Variants in EML1 observed in about 807,000 individuals in gnomAD.
The protein encoded by EML1 is echinoderm microtubule-associated protein-like 1.
EML1 carries 27 observed loss-of-function variants against 110.4 expected under a neutral mutation model. That is an observed-to-expected ratio of 0.24 (90% confidence interval 0.18 to 0.34). The LOEUF is 0.34. EML1 is among the 10% of genes least tolerant of loss of function. The pLI is 1.00. For missense variants in EML1, 741 were observed against 1,030.9 expected (o/e 0.72, Z 3.85); for synonymous variants, 344 against 385.8 (o/e 0.89, Z 1.27).
At chr14:99,841,383 TGCCGTCA>T (rs1428486607) in intron 1 of EML1, among the ~76,000 whole-genome samples, 1 of 152,236 alleles carries the variant, frequency 6.6e-6, no homozygotes, top group African/African-American at 2.4e-5. Context: ...AGTGTCTGTA[TGCCGTCA>T]TAGTATTAGA....
chr14:99,922,905 T>A (rs1263455576), intron 17 of EML1, among the ~76,000 whole-genome samples: 1 of 152,190 alleles, frequency 6.6e-6, no homozygotes, highest in Non-Finnish European at 1.5e-5. Context: ...AGATAGATGA[T>A]TTGCAAATAT....
chr14:99,786,643 G>A (rs560259343), intron 1 of EML1, among the ~76,000 whole-genome samples: 2 of 152,358 alleles, frequency 1.3e-5, no homozygotes, highest in African/African-American at 4.8e-5. Flanking sequence ...AAGCCTTCAA[G>A]TGCACGGCAC....
chr14:99,846,351 C>T (rs574520741), intron 1 of EML1, among the ~76,000 whole-genome samples: 71 of 142,948 alleles, frequency 5.0e-4, no homozygotes, highest in African/African-American at 1.4e-3. Flanking sequence ...GGCGCAATCT[C>T]GGCTTACTGC....
chr14:99,793,856 CG>C (rs2057718710), intron 1 of EML1, among the ~76,000 whole-genome samples: 2 of 150,884 alleles, frequency 1.3e-5, no homozygotes, highest in African/African-American at 4.8e-5. Flanking sequence ...CACAGGGCGG[CG>C]GGGAGGCCCG....
At chr14:99,921,389 T>C (rs549363794) in intron 17 of EML1, among the ~76,000 whole-genome samples, 1 of 152,300 alleles carries the variant, frequency 6.6e-6, no homozygotes, top group Non-Finnish European at 1.5e-5. Flanking sequence ...CCCAACAGAA[T>C]TGAGATTCTG....
chr14:99,836,206 T>TTTATTA (rs3994961), intron 1 of EML1, among the ~76,000 whole-genome samples: 102,740 of 151,620 alleles, frequency 0.68, 34,902 homozygotes, highest in Non-Finnish European at 0.69. Flanking sequence ...TTTAATTTCT[T>TTTATTA]TTATTATGTT....
At chr14:99,756,905 A>G (rs1349887165) in intron 1 of EML1, among the ~76,000 whole-genome samples, 2 of 151,972 alleles carry the variant, frequency 1.3e-5, no homozygotes, top group Non-Finnish European at 2.9e-5. Flanking sequence ...GCGCGTATAC[A>G]CTCATCTGCA....
chr14:99,865,437 C>A, intron 2 of EML1, 77 bp from the exon 3 acceptor site: 1 of 1,559,038 alleles, frequency 6.4e-7, no homozygotes, highest in South Asian at 1.2e-5. Flanking sequence ...TCCTAACAGG[C>A]AGTTGAGGAC....
chr14:99,921,913 AC>A (rs1301486117), intron 17 of EML1, among the ~76,000 whole-genome samples: 1 of 151,704 alleles, frequency 6.6e-6, no homozygotes, highest in Non-Finnish European at 1.5e-5. Context: ...TTCCACCCTC[AC>A]CCCCAGTCCG....
upstream of EML1, among the ~76,000 whole-genome samples, chr14:99,770,183 G>T (rs1352085158): frequency 1.3e-5 from 2 of 152,094 alleles, no homozygotes; most frequent in Non-Finnish European, 2.9e-5. Context: ...TCATAGACTT[G>T]GTGGATAAAA....
intron 1 of EML1, among the ~76,000 whole-genome samples, chr14:99,794,880 A>G (rs2057741642): frequency 6.6e-6 from 1 of 152,232 alleles, no homozygotes; most frequent in Non-Finnish European, 1.5e-5. Flanking sequence ...GTATAGAGTC[A>G]TGGGAACGGT....
At chr14:99,753,844 G>C (rs374404922) in intron 1 of EML1, among the ~76,000 whole-genome samples, 1 of 152,198 alleles carries the variant, frequency 6.6e-6, no homozygotes, top group Non-Finnish European at 1.5e-5. Flanking sequence ...CCCCACAACC[G>C]CATCAGCTAG....
chr14:99,916,189 C>T (rs775130638), intron 15 of EML1, among the ~76,000 whole-genome samples: 1 of 152,232 alleles, frequency 6.6e-6, no homozygotes, highest in Non-Finnish European at 1.5e-5. Flanking sequence ...GAAGTTCTAG[C>T]TCCTCTGCCT....
chr14:99,831,263 T>C (rs1285615133), intron 1 of EML1, among the ~76,000 whole-genome samples: 1 of 152,176 alleles, frequency 6.6e-6, no homozygotes, highest in East Asian at 1.9e-4. Flanking sequence ...TTTTCTTGGG[T>C]AGATCTGAAT....
chr14:99,940,104 G>A lies in EML1; in HGVS notation c.2440G>A (p.Val814Ile), dbSNP rs201298677. 217 of 1,575,564 alleles carry A rather than the reference G, an allele frequency of 1.4e-4. No individual in the cohort carries two copies. Among genetic ancestry groups the A allele is most frequent in the African/African-American group, 9.7e-5 (7 of 72,494 alleles). ...GKDTSIMQWR[V>I]I ...AGACACAAGCATCATGCAGTGGCGCGTCATTTAGTACCCACCGAGAGCTGT... is the reference window on the plus strand; with the variant it reads ...AGACACAAGCATCATGCAGTGGCGCATCATTTAGTACCCACCGAGAGCTGT... Residue 814 changes from valine (V) to isoleucine (I), a missense_variant, in exon 22 of 22, where the codon GTC becomes ATC. Coordinates refer to ENST00000262233, the MANE Select transcript of EML1 (RefSeq NM_004434.3).
At chr14:99,916,799 C>G (rs1400793305) in intron 15 of EML1, among the ~76,000 whole-genome samples, 1 of 152,336 alleles carries the variant, frequency 6.6e-6, no homozygotes, top group East Asian at 1.9e-4. Flanking sequence ...CCACATCTCA[C>G]CTTCACCAGT....
intron 16 of EML1, among the ~76,000 whole-genome samples, chr14:99,920,048 G>T (rs1230316462): frequency 1.3e-5 from 2 of 152,040 alleles, no homozygotes; most frequent in African/African-American, 4.8e-5. Context: ...AATATAACAG[G>T]CAGGAGAGTT....
At chr14:99,768,117 G>A (rs1007345158), upstream of EML1, among the ~76,000 whole-genome samples, 3 of 152,158 alleles carry the variant, frequency 2.0e-5, no homozygotes, top group Non-Finnish European at 4.4e-5. Flanking sequence ...CCCAGAGATG[G>A]GGCACGGAGA....
chr14:99,743,535 A>T (rs1412809733), intron 1 of EML1, among the ~76,000 whole-genome samples: 3 of 152,056 alleles, frequency 2.0e-5, no homozygotes, highest in South Asian at 4.2e-4. Flanking sequence ...GGCCTGAGAG[A>T]TGCTGATTTG....
Sources: gnomAD v4.1 joint callset for allele counts (sites outside exome capture counted in the v4.1 genomes callset) on GRCh38, gnomAD v4.1.1 for gene constraint, MANE v1.5 for transcripts, NCBI Gene and HGNC (gene_info 2026-07-23, HGNC 2026-07-21) for gene names.